SPTLC1: variants seen among roughly 807,000 people sequenced by gnomAD.
SPTLC1 encodes the protein serine palmitoyltransferase 1.
SPTLC1 carries 55 observed loss-of-function variants against 68.9 expected under a neutral mutation model. That is an observed-to-expected ratio of 0.80 (90% confidence interval 0.64 to 1.00). SPTLC1 has a LOEUF of 1.00. Among genes scored for constraint, SPTLC1 ranks in the 50% least tolerant of loss-of-function variants. SPTLC1 has a pLI of 0.00. For missense variants in SPTLC1, 449 were observed against 573.1 expected (o/e 0.78, Z 2.21); for synonymous variants, 197 against 201.6 (o/e 0.98, Z 0.19).
chr9:92,080,177 T>C, intron 4 of SPTLC1, 89 bp from the exon 5 acceptor site: 1 of 967,296 alleles, frequency 1.0e-6, no homozygotes, highest in Non-Finnish European at 1.6e-6. Context: ...ACAGAGCTCC[T>C]TCCTTCCTCC....
At chr9:92,038,568 C>A in intron 12 of SPTLC1, 1 of 600,990 alleles carries the variant, frequency 1.7e-6, no homozygotes, top group South Asian at 1.8e-5. Context: ...AAAAAGTCTG[C>A]CTGCAATGTG....
chr9:92,049,329 CT>C (rs1468859886), intron 9 of SPTLC1, among the ~76,000 whole-genome samples: 8 of 152,208 alleles, frequency 5.3e-5, no homozygotes, highest in Non-Finnish European at 1.2e-4. Flanking sequence ...CTGTTCAAGA[CT>C]GGCTGACTTC....
chr9:92,068,642 G>T (rs1834374949), intron 5 of SPTLC1, among the ~76,000 whole-genome samples: 1 of 152,106 alleles, frequency 6.6e-6, no homozygotes, highest in Non-Finnish European at 1.5e-5. Flanking sequence ...GTGTAATGAA[G>T]AATTCAAATT....
chr9:92,034,473 C>T (rs1258058881), intron 14 of SPTLC1, among the ~76,000 whole-genome samples: 2 of 152,096 alleles, frequency 1.3e-5, no homozygotes, highest in Admixed American at 6.5e-5. Context: ...CCCTGCAGGA[C>T]GGTCCTTGTG....
intron 3 of SPTLC1, among the ~76,000 whole-genome samples, chr9:92,096,710 G>A (rs1351109621): frequency 1.3e-5 from 2 of 152,040 alleles, no homozygotes; most frequent in Non-Finnish European, 2.9e-5. Context: ...AAATGTAAGG[G>A]CAAAAACTAT....
At position 92,047,697 on chromosome 9, in the gene SPTLC1, A is replaced by C. The variant is rs1361784259; in HGVS notation, c.900T>G (p.Ile300Met). Residue 300 changes from isoleucine to methionine, a missense_variant, in exon 10 of 15, where the codon ATT becomes ATG. Ile to Met is a conservative substitution (Grantham distance 10). Transcript: ENST00000262554. Reference protein sequence around the residue: ...TEHYGINIDDIDLISANMENA... With the variant: ...TEHYGINIDDMDLISANMENA... ...TCTCCATGTTGGCACTGATAAGATC[A>C]ATATCATCAATCTGCCGGAAAAGGA... 3 of 1,611,830 alleles carry C rather than the reference A, an allele frequency of 1.9e-6. No homozygotes were observed. In the Admixed American group the frequency reaches 5.0e-5, roughly 27 times the overall value.
At position 92,032,450 on chromosome 9, in the gene SPTLC1, G is replaced by T. The variant is rs1180222088; in HGVS notation, c.*15C>A. 1.2e-6 allele frequency: 2 copies of T among 1,614,150 alleles called. No homozygotes were observed. Among genetic ancestry groups the T allele is most frequent in the Non-Finnish European group, 1.7e-6 (2 of 1,180,040 alleles). On this transcript the variant is annotated 3_prime_UTR_variant, in exon 15 of 15. Coordinates refer to ENST00000262554, the MANE Select transcript of SPTLC1 (RefSeq NM_006415.4). ...GCGTGTTGTGTGGCAGGAGGCCATG[G>T]TCCCGGGACTCTGCCTAGAGCAGGA...
chr9:92,067,950 C>T lies in SPTLC1; in HGVS notation c.560+16G>A, dbSNP rs73512337. On this transcript the variant is annotated intron_variant, in intron 6 of 14. Transcript: ENST00000262554. ...CAAAGGAACTGCTATTAGAAAACTA[C>T]GTAAAGTTTACTTACACAAAAACAA... 16 of 1,612,968 alleles carry T rather than the reference C, an allele frequency of 9.9e-6. No individual in the cohort carries two copies. The highest frequency in any genetic ancestry group is 8.9e-5 in the East Asian group (4 of 44,814).
intron 3 of SPTLC1, among the ~76,000 whole-genome samples, chr9:92,089,678 G>A (rs1344063254): frequency 6.6e-6 from 1 of 152,152 alleles, no homozygotes; most frequent in African/African-American, 2.4e-5. Flanking sequence ...AAAAGTGAGA[G>A]ACAATGTTTG....
intron 5 of SPTLC1, chr9:92,079,808 C>T: frequency 1.5e-6 from 1 of 656,292 alleles, no homozygotes; most frequent in Non-Finnish European, 2.7e-6. Flanking sequence ...GATGAGCCCA[C>T]CATGCCCGGC....
At chr9:92,037,232 GGCTCAGGACAGGGCCTGGCCT>G (rs1291539524) in intron 13 of SPTLC1, among the ~76,000 whole-genome samples, 2 of 152,224 alleles carry the variant, frequency 1.3e-5, no homozygotes, top group African/African-American at 4.8e-5. Flanking sequence ...AGGCGGATGA[GGCTCAGGACAGGGCCTGGCCT>G]AGGAAAGGCA....
At chr9:92,053,096 C>A (rs1833763714) in intron 8 of SPTLC1, among the ~76,000 whole-genome samples, 1 of 148,778 alleles carries the variant, frequency 6.7e-6, no homozygotes, top group African/African-American at 2.5e-5. Flanking sequence ...GATATGTCTC[C>A]AAAGGTATAC....
At chr9:92,074,266 C>T (rs1020679925) in intron 5 of SPTLC1, among the ~76,000 whole-genome samples, 4 of 152,032 alleles carry the variant, frequency 2.6e-5, no homozygotes, top group Admixed American at 6.5e-5. Flanking sequence ...TGCATATTGA[C>T]GGCCAAGCTT....
At chr9:92,102,655 A>G (rs1055704066) in intron 3 of SPTLC1, among the ~76,000 whole-genome samples, 1 of 152,208 alleles carries the variant, frequency 6.6e-6, no homozygotes, top group Non-Finnish European at 1.5e-5. Context: ...AGAGAAAAAA[A>G]TTACACCAGA....
chr9:92,063,093 CAA>C (rs1179925549), intron 6 of SPTLC1, among the ~76,000 whole-genome samples: 1 of 152,026 alleles, frequency 6.6e-6, no homozygotes, highest in Non-Finnish European at 1.5e-5. Context: ...CTGATTCTTT[CAA>C]AAGATCAATA....
intron 5 of SPTLC1, chr9:92,079,627 TCCA>T (rs2118670354): frequency 1.4e-6 from 2 of 1,413,200 alleles, no homozygotes; most frequent in East Asian, 4.6e-5. Flanking sequence ...CAATCTGCTC[TCCA>T]CTTTCTTCCT....
chr9:92,090,583 G>C (rs1208038521), intron 3 of SPTLC1, among the ~76,000 whole-genome samples: 1 of 151,328 alleles, frequency 6.6e-6, no homozygotes, highest in African/African-American at 2.4e-5. Flanking sequence ...CTGCATTCCA[G>C]CCTGGGCAAC....
At chr9:92,059,534 T>C (rs1344987829) in intron 6 of SPTLC1, among the ~76,000 whole-genome samples, 4 of 152,244 alleles carry the variant, frequency 2.6e-5, no homozygotes, top group Admixed American at 2.6e-4. Flanking sequence ...ACTCTCACTA[T>C]ATATTAATCT....
chr9:92,069,697 T>C (rs766133054), intron 5 of SPTLC1, among the ~76,000 whole-genome samples: 14 of 152,218 alleles, frequency 9.2e-5, no homozygotes, highest in Non-Finnish European at 2.9e-5. Context: ...GCCATCACTT[T>C]GCCACCTCTC....
Sources: allele counts gnomAD v4.1 joint callset (sites outside exome capture counted in the v4.1 genomes callset), GRCh38; gene constraint gnomAD v4.1.1; transcripts MANE v1.5; gene names NCBI Gene and HGNC (gene_info 2026-07-23, HGNC 2026-07-21).